Variants in TTC39A observed in about 807,000 individuals in gnomAD.
TTC39A encodes tetratricopeptide repeat protein 39A.
TTC39A carries 46 observed loss-of-function variants against 82.3 expected under a neutral mutation model. The observed-to-expected ratio is 0.56, with a 90% confidence interval of 0.44 to 0.71. The LOEUF is 0.71. Among genes scored for constraint, TTC39A ranks in the 30% least tolerant of loss-of-function variants. TTC39A has a pLI of 0.00. For synonymous variants in TTC39A, 254 were observed against 275.2 expected, an observed-to-expected ratio of 0.92 and a Z score of 0.76; for missense variants, 543 against 712.9, an observed-to-expected ratio of 0.76 and a Z score of 2.71.
At chr1:51,304,888 G>T (rs564000388) in intron 8 of TTC39A, among the ~76,000 whole-genome samples, 193 bp downstream of exon 8, 143 of 152,286 alleles carry the variant, frequency 9.4e-4, no homozygotes, top group Non-Finnish European at 1.5e-3. Flanking sequence ...GGCCAGGCAG[G>T]GATCACTAGC....
At chr1:51,312,022 C>G (rs1645102610) in intron 4 of TTC39A, 97 bp downstream of exon 4, 13 of 1,299,744 alleles carry the variant, frequency 1.0e-5, no homozygotes, top group Non-Finnish European at 1.4e-5. Flanking sequence ...AGGGCCTGGC[C>G]CCCTAGGCGA....
At chr1:51,309,389 A>C (rs1557720705) in intron 5 of TTC39A, 64 bp from the exon 6 acceptor site, 1 of 1,611,230 alleles carries the variant, frequency 6.2e-7, no homozygotes, top group Non-Finnish European at 8.5e-7. Context: ...GAGAGGGATC[A>C]TGCAAGGCTC....
At chr1:51,308,598 G>C (rs1432757450) in intron 6 of TTC39A, among the ~76,000 whole-genome samples, 1 of 152,214 alleles carries the variant, frequency 6.6e-6, no homozygotes, top group African/African-American at 2.4e-5. Flanking sequence ...TGGGGGACTG[G>C]ATTTTCAGAG....
chr1:51,332,346 C>T (rs191080863), upstream of TTC39A, among the ~76,000 whole-genome samples: 1 of 152,330 alleles, frequency 6.6e-6, no homozygotes, highest in Admixed American at 6.5e-5. Flanking sequence ...CCACAACCTC[C>T]GTCTCCTGGG....
chr1:51,291,348 G>GTA (rs1644207933), intron 14 of TTC39A, among the ~76,000 whole-genome samples: 1 of 151,446 alleles, frequency 6.6e-6, no homozygotes, highest in Non-Finnish European at 1.5e-5. Context: ...AAAATTAGCC[G>GTA]GGTGTGGTGG....
chr1:51,309,499 A>C, intron 5 of TTC39A, 174 bp from the exon 6 acceptor site: 1 of 1,424,304 alleles, frequency 7.0e-7, no homozygotes, highest in South Asian at 1.5e-5. Context: ...AAACCTCTAA[A>C]ATGCCCAGGG....
At chr1:51,295,784 C>T (rs1459131721) in intron 13 of TTC39A, 10 of 474,432 alleles carry the variant, frequency 2.1e-5, no homozygotes, top group Non-Finnish European at 7.7e-6. Context: ...CTTGGAGCCA[C>T]ATCTGTCCTA....
At chr1:51,327,186 AC>A (rs537075174) in intron 1 of TTC39A, among the ~76,000 whole-genome samples, 147 of 151,768 alleles carry the variant, frequency 9.7e-4, no homozygotes, top group African/African-American at 3.4e-3. Flanking sequence ...AAATCCTCCT[AC>A]CTCCATCCCA....
intron 1 of TTC39A, among the ~76,000 whole-genome samples, chr1:51,328,550 T>G (rs1171031980): frequency 1.3e-5 from 2 of 152,052 alleles, no homozygotes; most frequent in East Asian, 1.9e-4. Context: ...TTACACACAC[T>G]GAGTAAAAGA....
chr1:51,316,895 C>A (rs1236913919), intron 2 of TTC39A, among the ~76,000 whole-genome samples: 1 of 152,194 alleles, frequency 6.6e-6, no homozygotes, highest in Non-Finnish European at 1.5e-5. Context: ...ACACACACAG[C>A]AGTCAGTGTG....
At chr1:51,289,845 C>T (rs1053329624) in intron 16 of TTC39A, among the ~76,000 whole-genome samples, 160 bp downstream of exon 16, 4 of 152,154 alleles carry the variant, frequency 2.6e-5, no homozygotes, top group Non-Finnish European at 4.4e-5. Context: ...GTACAGCTCC[C>T]GGCACAAGTC....
intron 1 of TTC39A, among the ~76,000 whole-genome samples, chr1:51,344,711 G>A (rs183635148): frequency 5.9e-5 from 9 of 152,372 alleles, no homozygotes; most frequent in African/African-American, 2.2e-4. Context: ...CCTTCTCACC[G>A]AGCTGACTTC....
At chr1:51,340,181 T>C (rs1484387850) in intron 1 of TTC39A, among the ~76,000 whole-genome samples, 1 of 152,190 alleles carries the variant, frequency 6.6e-6, no homozygotes, top group Non-Finnish European at 1.5e-5. Context: ...TTATGCTATT[T>C]CATTATAGCA....
chr1:51,321,698 C>T lies in TTC39A; in HGVS notation c.146+23G>A. Reference sequence around the variant, plus strand: ...CCTGACCGTCATGCACACCCCCTACCCCAACCGGGGCTTGAGCCTCACCTG... The same window carrying T: ...CCTGACCGTCATGCACACCCCCTACTCCAACCGGGGCTTGAGCCTCACCTG... On this transcript the variant is annotated intron_variant, in intron 2 of 17. Transcript: ENST00000680483. The surrounding 1 kb of genome is among the most constrained non-coding windows in gnomAD (Gnocchi z 4.6). The T allele has an allele frequency of 6.2e-7, 1 of 1,610,376 alleles. No homozygotes were observed. The highest frequency in any genetic ancestry group is 8.5e-7 in the Non-Finnish European group (1 of 1,177,850).
At chr1:51,343,064 C>G in intron 1 of TTC39A, 1 of 456,300 alleles carries the variant, frequency 2.2e-6, no homozygotes, top group South Asian at 1.5e-5. Flanking sequence ...TGGATTCTCC[C>G]AGGCAGGGAA....
chr1:51,343,006 C>G (rs933919582), intron 1 of TTC39A: 1 of 455,960 alleles, frequency 2.2e-6, no homozygotes, highest in African/African-American at 2.0e-5. Flanking sequence ...AACATACATA[C>G]ACGGGAGACC....
At chr1:51,342,094 G>A (rs139174091) in intron 1 of TTC39A, among the ~76,000 whole-genome samples, 1 of 152,184 alleles carries the variant, frequency 6.6e-6, no homozygotes, top group Non-Finnish European at 1.5e-5. Context: ...TTTATTTTTG[G>A]TGCTGTCTCC....
intron 6 of TTC39A, among the ~76,000 whole-genome samples, chr1:51,306,850 CA>C: frequency 2.9e-5 from 1 of 35,012 alleles, no homozygotes; most frequent in Non-Finnish European, 6.8e-5. Context: ...CTTTAAGGGA[CA>C]GACCCCCCCC....
intron 1 of TTC39A, among the ~76,000 whole-genome samples, chr1:51,327,995 C>T (rs1569998482): frequency 6.6e-6 from 1 of 152,152 alleles, no homozygotes; most frequent in Non-Finnish European, 1.5e-5. Flanking sequence ...CTGCGTGCGG[C>T]TTTACCATCA....
Sources: allele counts gnomAD v4.1 joint callset (sites outside exome capture counted in the v4.1 genomes callset), GRCh38; gene constraint gnomAD v4.1.1; non-coding constraint Gnocchi (gnomAD v3.1); transcripts MANE v1.5; gene names NCBI Gene and HGNC (gene_info 2026-07-23, HGNC 2026-07-21).